The following WDPCP variants were observed in gnomAD, a reference collection of about 807,000 sequenced individuals.
The protein encoded by WDPCP is WD repeat-containing and planar cell polarity effector protein fritz homolog.
WDPCP carries 71 observed loss-of-function variants against 93.1 expected under a neutral mutation model. The observed-to-expected ratio is 0.76, with a 90% CI of 0.63 to 0.93. WDPCP has a LOEUF of 0.93. Ranked by LOEUF, WDPCP falls within the 40% of genes least tolerant of loss-of-function variation. WDPCP has a pLI of 0.00. For missense variants in WDPCP, 844 were observed against 887.4 expected, an observed-to-expected ratio of 0.95 and a Z score of 0.62; for synonymous variants, 315 against 315.0, an observed-to-expected ratio of 1.00 and a Z score of 0.00.
Position 63,823,205 on chromosome 2 carries a change from A to C in WDPCP, n.222+4417T>G, listed in dbSNP as rs1251357542. ...AGGAACAAAAAGTTTCACCCAAAAA[A>C]AAAAAAAAACAAAAAACTTTGGCCA... On this transcript the variant is annotated intron_variant and non_coding_transcript_variant, in intron 1 of 4. Coordinates refer to the WDPCP transcript ENST00000467687. Among the ~76,000 whole-genome samples, 3 of 151,600 alleles carry C rather than the reference A, an allele frequency of 2.0e-5. No individual in the cohort carries two copies. The East Asian group carries it at 5.8e-4, about 29-fold the overall frequency.
intron 3 of WDPCP, among the ~76,000 whole-genome samples, chr2:63,637,364 A>G (rs77032042): frequency 0.039 from 5,958 of 150,952 alleles, 301 homozygotes; most frequent in East Asian, 0.25. Flanking sequence ...AAAAAAAAAG[A>G]AAAAACAAAA....
rs533882386 is a variant in WDPCP, at chr2:63,682,446, T to C, written n.309-31608A>G. ...TAGCAGAATTGATGAGGAAGAAGAA[T>C]TAGTGAGCTTGAAGATGGGTTATTT... On this transcript the variant is annotated intron_variant and non_coding_transcript_variant, in intron 2 of 4. Coordinates refer to the WDPCP transcript ENST00000467687. Among the ~76,000 whole-genome samples the C allele has an allele frequency of 5.3e-5, 8 of 152,152 alleles. No individual in the cohort carries two copies. In the South Asian group the frequency reaches 1.5e-3, roughly 28 times the overall value.
intron 3 of WDPCP, among the ~76,000 whole-genome samples, chr2:63,636,018 GA>G (rs1709916414): frequency 6.6e-6 from 1 of 152,094 alleles, no homozygotes. Flanking sequence ...TATCAGGATA[GA>G]AAATCAACAT....
chr2:63,672,488 A>C (rs1710358654), intron 2 of WDPCP, among the ~76,000 whole-genome samples: 1 of 152,148 alleles, frequency 6.6e-6, no homozygotes, highest in Non-Finnish European at 1.5e-5. Flanking sequence ...GTTTAAAGAA[A>C]ATTTCCAACA....
At chr2:63,419,835 T>C (rs1695711524) in intron 9 of WDPCP, among the ~76,000 whole-genome samples, 1 of 152,194 alleles carries the variant, frequency 6.6e-6, no homozygotes, top group African/African-American at 2.4e-5. Context: ...AACTGAAAAC[T>C]TTCACCAGTA....
intron 9 of WDPCP, among the ~76,000 whole-genome samples, chr2:63,419,990 AT>A (rs1440979339): frequency 6.6e-6 from 1 of 152,112 alleles, no homozygotes; most frequent in Non-Finnish European, 1.5e-5. Flanking sequence ...TATCAGCAGA[AT>A]TTTTTTCTGA....
At chr2:63,137,533 G>A (rs138919575) in intron 17 of WDPCP, among the ~76,000 whole-genome samples, 1 of 152,162 alleles carries the variant, frequency 6.6e-6, no homozygotes, top group African/African-American at 2.4e-5. Flanking sequence ...TTCTTTTGCT[G>A]TGCAGAAGCT....
chr2:63,426,999 A>C (rs996651599), intron 9 of WDPCP, among the ~76,000 whole-genome samples: 1 of 152,220 alleles, frequency 6.6e-6, no homozygotes, highest in Non-Finnish European at 1.5e-5. Context: ...AGGGTATTAC[A>C]TAATAACAAT....
At chr2:63,502,333 T>C (rs1367348748) in intron 1 of WDPCP, among the ~76,000 whole-genome samples, 1 of 152,232 alleles carries the variant, frequency 6.6e-6, no homozygotes. Flanking sequence ...TTCTAATTTT[T>C]ACCTTACAAA....
chr2:63,418,186 A>C (rs1341483294), intron 9 of WDPCP, among the ~76,000 whole-genome samples: 1 of 152,180 alleles, frequency 6.6e-6, no homozygotes, highest in African/African-American at 2.4e-5. Flanking sequence ...TAAAAATCCA[A>C]ACTTGTCCAT....
chr2:63,542,792 A>T (rs911335418), intron 1 of WDPCP, among the ~76,000 whole-genome samples: 1 of 152,222 alleles, frequency 6.6e-6, no homozygotes, highest in African/African-American at 2.4e-5. Flanking sequence ...TCTCTGACGC[A>T]TATGTATGTC....
rs1709371894 is a variant in WDPCP, at chr2:63,599,033, A to G, written n.488+51626T>C. The G allele has an allele frequency of 8.0e-6, 5 of 627,276 alleles. No individual in the cohort carries two copies. In the Admixed American group the frequency reaches 1.6e-4, roughly 20 times the overall value. The allele number at this position is 627,276 out of a possible 1,614,324, so 38.9% of individuals were successfully genotyped here. A position where few individuals can be genotyped will look rare whatever the true frequency, so the allele number is the denominator to read the frequency against. On this transcript the variant is annotated intron_variant and non_coding_transcript_variant, in intron 3 of 4. Transcript: ENST00000467687. ...TTTATAACTTAAAATGCATTTTCCT[A>G]TGCTATATTGTATTTGGTGTTTCCC...
intron 1 of WDPCP, among the ~76,000 whole-genome samples, chr2:63,815,513 T>G (rs892463403): frequency 6.6e-6 from 1 of 152,236 alleles, no homozygotes. Flanking sequence ...AGCATTGAGC[T>G]GGGCCTAGAG....
intron 10 of WDPCP, among the ~76,000 whole-genome samples, chr2:63,396,340 TAGAA>T (rs778448958): frequency 2.6e-5 from 4 of 152,220 alleles, no homozygotes; most frequent in African/African-American, 7.2e-5. Flanking sequence ...GTTTGTTTTT[TAGAA>T]AGAGAGACAG....
Position 63,120,781 on chromosome 2 carries a change from G to A in WDPCP, c.*1225C>T, listed in dbSNP as rs1017488527. ...CATCTCCTGACCTCGTGATTCGCCC[G>A]CCTTGGCCTCCCAAAGTGCTGGGAT... On this transcript the variant is annotated 3_prime_UTR_variant, in exon 18 of 18. Transcript: ENST00000272321. 1.6e-4 allele frequency among the ~76,000 whole-genome samples: 24 copies of A among 151,264 alleles called. No individual in the cohort carries two copies. The highest frequency in any genetic ancestry group is 4.6e-4 in the African/African-American group (19 of 41,152).
chr2:63,426,077 C>T (rs1165288575), intron 9 of WDPCP, among the ~76,000 whole-genome samples: 2 of 152,182 alleles, frequency 1.3e-5, no homozygotes, highest in South Asian at 2.1e-4. Context: ...TGGTGGCTCA[C>T]GCCTGTAATC....
chr2:63,372,372 T>C (rs1325213003), intron 12 of WDPCP, among the ~76,000 whole-genome samples: 1 of 152,172 alleles, frequency 6.6e-6, no homozygotes, highest in Non-Finnish European at 1.5e-5. Flanking sequence ...ATATACAAAC[T>C]TCTGTTTTTT....
chr2:63,583,331 A>G (rs1252442970), intron 1 of WDPCP, among the ~76,000 whole-genome samples: 3 of 152,250 alleles, frequency 2.0e-5, no homozygotes, highest in African/African-American at 7.2e-5. Flanking sequence ...GAGAGAACAG[A>G]GAACAAATGG....
chr2:63,730,141 TTTG>T (rs993335113), intron 2 of WDPCP, among the ~76,000 whole-genome samples: 30 of 152,200 alleles, frequency 2.0e-4, no homozygotes, highest in African/African-American at 7.2e-4. Context: ...CCAAGCGACA[TTTG>T]TATGCATTAT....
Sources: allele counts gnomAD v4.1 joint callset (sites outside exome capture counted in the v4.1 genomes callset), GRCh38; gene constraint gnomAD v4.1.1; transcripts MANE v1.5; gene names NCBI Gene and HGNC (gene_info 2026-07-23, HGNC 2026-07-21).